ZMYM5: variants seen among roughly 807,000 people sequenced by gnomAD.
The protein encoded by ZMYM5 is zinc finger MYM-type protein 5.
ZMYM5 carries 41 observed loss-of-function variants against 61.8 expected under a neutral mutation model. The ratio of observed to expected loss-of-function variants is 0.66; its 90% confidence interval spans 0.52 to 0.86. ZMYM5 has a LOEUF of 0.86. Ranked by LOEUF, ZMYM5 falls within the 40% of genes least tolerant of loss-of-function variation. ZMYM5 has a pLI of 0.00. For missense variants in ZMYM5, 706 were observed against 786.7 expected, an observed-to-expected ratio of 0.90 and a Z score of 1.23; for synonymous variants, 257 against 276.4, an observed-to-expected ratio of 0.93 and a Z score of 0.70.
In ZMYM5 at chr13:19,857,111, GAAAACA is replaced by G. The variant is rs1226414303; in HGVS notation, c.-10-4927_-10-4922del. ...ACAGAGCGAGACTCCGTCTCAAAAC[GAAAACA>G]AAAACAAAAACAAAAACAAAAAATC... On this transcript the variant is annotated intron_variant, in intron 2 of 7. Transcript: ENST00000337963. 5.7e-4 allele frequency among the ~76,000 whole-genome samples: 87 copies of G among 152,202 alleles called. 2 individuals are homozygous for G. The highest frequency in any genetic ancestry group is 1.8e-3 in the African/African-American group (73 of 41,504).
rs372938471 is a variant in ZMYM5 at position 19,837,802 on chromosome 13, C to A, written c.892G>T (p.Ala298Ser). 1.9e-5 allele frequency: 31 copies of A among 1,590,996 alleles called. No individual in the cohort carries two copies. The highest frequency in any genetic ancestry group is 2.7e-5 in the African/African-American group (2 of 73,318). ...GATTCTACTGGAAGAATGACATTAG[C>A]CTTCTTTGTAGATGCATCTCTGAAA... is the stretch of plus-strand genomic sequence containing the variant. The part of the protein sequence containing the change: ...ICKKDASTKK[A>S]NVILPVESSK... The change falls in exon 6 of 8, where the codon GCT (alanine) becomes TCT (serine). Residue 298 changes from alanine to serine, a missense_variant. Transcript: ENST00000337963.
intron 7 of ZMYM5, among the ~76,000 whole-genome samples, chr13:19,833,332 G>A (rs1952582812): frequency 1.3e-5 from 2 of 152,088 alleles, no homozygotes; most frequent in South Asian, 4.1e-4. Flanking sequence ...ATGAAAAGGG[G>A]TCAAGGCTCA....
chr13:19,853,803 A>G (rs1045735659), intron 2 of ZMYM5, among the ~76,000 whole-genome samples: 3 of 151,850 alleles, frequency 2.0e-5, no homozygotes, highest in African/African-American at 7.3e-5. Context: ...GGTGGTCTCG[A>G]ACTTCTGAGC....
intron 7 of ZMYM5, among the ~76,000 whole-genome samples, chr13:19,828,089 T>C (rs1296362235): frequency 6.6e-6 from 1 of 151,090 alleles, no homozygotes; most frequent in African/African-American, 2.4e-5. Flanking sequence ...ACAACACAAC[T>C]TGAGTACCAT....
At chr13:19,827,911 C>T (rs1056721857) in intron 7 of ZMYM5, among the ~76,000 whole-genome samples, 3 of 145,038 alleles carry the variant, frequency 2.1e-5, no homozygotes, top group South Asian at 2.2e-4. Flanking sequence ...CCCAGCTACT[C>T]GGGAGGCTGA....
In ZMYM5 at chr13:19,837,024, GTT is replaced by G. The variant is rs11449895; in HGVS notation, c.1038+630_1038+631del. Among the ~76,000 whole-genome samples the G allele has an allele frequency of 9.0e-5, 13 of 143,952 alleles. 1 individual carries two copies. Among genetic ancestry groups the G allele is most frequent in the African/African-American group, 3.3e-4 (13 of 39,648 alleles). The allele number at this position is 143,952 out of a possible 152,430, so 94.4% of individuals were successfully genotyped here. A position where few individuals can be genotyped will look rare whatever the true frequency, so the allele number is the denominator to read the frequency against. On this transcript the variant is annotated intron_variant, in intron 6 of 7. Coordinates refer to ENST00000337963, the MANE Select transcript of ZMYM5 (RefSeq NM_001142684.2). ...TTGTTAGATGGGTATGTTGTTTTTTGTTTTTTTTTTTTTCTTTCTTTTTTTGA... is the reference window on the plus strand; with the variant it reads ...TTGTTAGATGGGTATGTTGTTTTTTGTTTTTTTTTTTCTTTCTTTTTTTGA...
intron 7 of ZMYM5, among the ~76,000 whole-genome samples, chr13:19,826,750 G>A (rs1477980682): frequency 2.1e-5 from 3 of 142,798 alleles, no homozygotes; most frequent in South Asian, 2.2e-4. Flanking sequence ...GGGAGACTCC[G>A]TCTCGTTAAA....
intron 1 of ZMYM5, 116 bp from the exon 2 acceptor site, chr13:19,862,582 T>C (rs1953810712): frequency 6.6e-6 from 1 of 150,988 alleles, no homozygotes. Context: ...TCTGCTACCC[T>C]CCCCCACCCT....
intron 4 of ZMYM5, among the ~76,000 whole-genome samples, chr13:19,844,052 G>A (rs987292202): frequency 4.0e-5 from 6 of 151,300 alleles, no homozygotes; most frequent in African/African-American, 1.5e-4. Context: ...GCAGGAGAAT[G>A]GCATGAACCC....
intron 5 of ZMYM5, 22 bp from the exon 6 acceptor site, chr13:19,837,843 C>T: frequency 6.4e-7 from 1 of 1,566,632 alleles, no homozygotes; most frequent in Middle Eastern, 1.9e-4. Flanking sequence ...GGGATAGACA[C>T]ATAATTTAAG....
chr13:19,843,873 G>A (rs530322686), intron 4 of ZMYM5, among the ~76,000 whole-genome samples: 46 of 150,496 alleles, frequency 3.1e-4, no homozygotes, highest in Non-Finnish European at 4.7e-4. Flanking sequence ...GGTGGCTCAC[G>A]CCTGTAATCC....
intron 7 of ZMYM5, among the ~76,000 whole-genome samples, chr13:19,825,749 T>C (rs1288600443): frequency 6.7e-6 from 1 of 148,872 alleles, no homozygotes; most frequent in Admixed American, 6.7e-5. Context: ...ATGACTATAA[T>C]AGAGAATGAG....
chr13:19,863,111 C>T, intron 1 of ZMYM5, among the ~76,000 whole-genome samples: 1 of 152,086 alleles, frequency 6.6e-6, no homozygotes, highest in Admixed American at 6.5e-5. Context: ...GGCGCCCCTC[C>T]CTCGCCCAAC....
At chr13:19,861,647 G>A (rs558187636) in intron 2 of ZMYM5, among the ~76,000 whole-genome samples, 1 of 152,120 alleles carries the variant, frequency 6.6e-6, no homozygotes, top group South Asian at 2.1e-4. Flanking sequence ...GTTTGATCAG[G>A]GTTGAAAGGA....
intron 5 of ZMYM5, 125 bp downstream of exon 5, chr13:19,838,575 T>TA: frequency 8.1e-7 from 1 of 1,234,344 alleles, no homozygotes; most frequent in African/African-American, 1.5e-5. Flanking sequence ...TCAAGCTCAA[T>TA]AAACTTGAAG....
chr13:19,851,914 A>C lies in ZMYM5; in HGVS notation c.267T>G (p.Asn89Lys). 6.2e-7 allele frequency: 1 copy of C among 1,612,992 alleles called. No individual in the cohort carries two copies. Among genetic ancestry groups the C allele is most frequent in the Non-Finnish European group, 8.5e-7 (1 of 1,179,828 alleles). The change falls in exon 3 of 8, where the codon AAT (asparagine) becomes AAG (lysine). Residue 89 changes from asparagine to lysine, a missense_variant. Coordinates refer to ENST00000337963, the MANE Select transcript of ZMYM5 (RefSeq NM_001142684.2). ...QRNFIFASSK[N>K]EKPQGNYSVI... Reference sequence around the variant, plus strand: ...CAGAATAATTTCCTTGAGGCTTTTCATTTTTTGATGATGCAAATATGAAGT... The same window carrying C: ...CAGAATAATTTCCTTGAGGCTTTTCCTTTTTTGATGATGCAAATATGAAGT...
chr13:19,856,999 G>A lies in ZMYM5; in HGVS notation c.-10-4809C>T, dbSNP rs527425636. Among the ~76,000 whole-genome samples, 362 of 151,234 alleles carry A rather than the reference G, an allele frequency of 2.4e-3. 1 individual carries two copies. The highest frequency in any genetic ancestry group is 6.6e-3 in the African/African-American group (271 of 41,132). Reference sequence around the variant, plus strand: ...TGGGCGCCTGTAGTCCCAGCTACTCGGGAGGCTGAGGCAGGAGAATGGCGT... The same window carrying A: ...TGGGCGCCTGTAGTCCCAGCTACTCAGGAGGCTGAGGCAGGAGAATGGCGT... On this transcript the variant is annotated intron_variant, in intron 2 of 7. Transcript: ENST00000337963.
intron 7 of ZMYM5, among the ~76,000 whole-genome samples, chr13:19,827,043 T>C (rs2138477197): frequency 6.6e-6 from 1 of 152,310 alleles, no homozygotes; most frequent in South Asian, 2.1e-4. Context: ...GGCAAATTTA[T>C]AGGCAGAAGA....
intron 7 of ZMYM5, among the ~76,000 whole-genome samples, chr13:19,832,191 T>C (rs1344273524): frequency 6.6e-6 from 1 of 152,082 alleles, no homozygotes; most frequent in Non-Finnish European, 1.5e-5. Context: ...TTTTGGTGCC[T>C]ATTTAGTAGT....
Sources: allele counts gnomAD v4.1 joint callset (sites outside exome capture counted in the v4.1 genomes callset), GRCh38; gene constraint gnomAD v4.1.1; transcripts MANE v1.5; gene names NCBI Gene and HGNC (gene_info 2026-07-23, HGNC 2026-07-21).